The following RNF34 variants were observed in gnomAD, a reference collection of about 807,000 sequenced individuals.
RNF34 encodes the protein ring finger protein 34.
Under a neutral mutation model 37.9 loss-of-function variants are expected in RNF34, and 12 were observed. The ratio of observed to expected loss-of-function variants is 0.32; its 90% CI spans 0.20 to 0.51. The LOEUF (loss-of-function observed/expected upper bound fraction) is 0.51, where lower values mean the gene tolerates loss of function less well. Among genes scored for constraint, RNF34 ranks in the 20% least tolerant of loss-of-function variants. The probability of loss-of-function intolerance (pLI) is 0.97; values close to 1 mark genes in which losing one functional copy is unlikely to be tolerated. For missense variants in RNF34, 362 were observed against 472.7 expected, an observed-to-expected ratio of 0.77 and a Z score of 2.17; for synonymous variants, 155 against 177.2, an observed-to-expected ratio of 0.87 and a Z score of 1.00.
At position 121,418,897 on chromosome 12, in the gene RNF34, G is replaced by T. The variant is rs112532382; in HGVS notation, c.633+986G>T. 3.3e-3 allele frequency among the ~76,000 whole-genome samples: 502 copies of T among 152,234 alleles called. 3 individuals are homozygous for T. The highest frequency in any genetic ancestry group is 0.012 in the African/African-American group (481 of 41,544). ...AATTTTTGTATTTTTAGTAAAGATGGGGTTTCACCATGTTGGTCAGGCTGG... is the reference window on the plus strand; with the variant it reads ...AATTTTTGTATTTTTAGTAAAGATGTGGTTTCACCATGTTGGTCAGGCTGG... On this transcript the variant is annotated intron_variant, in intron 3 of 5. Coordinates refer to ENST00000361234, the MANE Select transcript of RNF34 (RefSeq NM_025126.4).
Position 121,416,370 on chromosome 12 carries a change from G to GACT in RNF34, c.219_220insCTA (p.Arg73_Lys74insLeu). 1 of 1,606,982 alleles carries GACT rather than the reference G, an allele frequency of 6.2e-7. No homozygotes were observed. Among genetic ancestry groups the GACT allele is most frequent in the Non-Finnish European group, 8.5e-7 (1 of 1,173,478 alleles). On this transcript the variant is annotated inframe_insertion, in exon 2 of 6. Transcript: ENST00000361234. ...TGTGGGCTTTCATTTTCAGTCTTTA[G>GACT]AAAGAAGGTGAGTTGGATGAAATGT... is the stretch of plus-strand genomic sequence containing the variant.
intron 1 of RNF34, chr12:121,402,723 C>CTTTTTT: frequency 1.3e-6 from 2 of 1,505,040 alleles, no homozygotes; most frequent in Non-Finnish European, 1.8e-6. Context: ...ATTCCTTTTC[C>CTTTTTT]TTTTTTTTTC....
chr12:121,416,577 GT>G (rs1484119564), intron 2 of RNF34, 200 bp downstream of exon 2: 3 of 512,282 alleles, frequency 5.9e-6, no homozygotes, highest in Non-Finnish European at 1.0e-5. Context: ...TGTTTCTCAT[GT>G]TCAGGCATCC....
intron 1 of RNF34, among the ~76,000 whole-genome samples, chr12:121,414,881 G>T (rs904398170): frequency 2.0e-5 from 3 of 152,198 alleles, no homozygotes; most frequent in Non-Finnish European, 4.4e-5. Flanking sequence ...ATCACCTGAG[G>T]TCAGGAGTTC....
intron 1 of RNF34, among the ~76,000 whole-genome samples, chr12:121,401,332 C>G (rs1305599552): frequency 9.4e-6 from 1 of 105,846 alleles, no homozygotes; most frequent in Non-Finnish European, 1.7e-5. Context: ...AACCATATTA[C>G]AAGGCAGAAG....
intron 1 of RNF34, among the ~76,000 whole-genome samples, chr12:121,400,655 A>G (rs1469191312): frequency 1.3e-5 from 2 of 152,122 alleles, no homozygotes; most frequent in East Asian, 3.9e-4. Flanking sequence ...GGAGGGGTGC[A>G]GGGGGTGGTG....
At chr12:121,406,702 G>C (rs1308955354) in intron 1 of RNF34, among the ~76,000 whole-genome samples, 3 of 152,132 alleles carry the variant, frequency 2.0e-5, no homozygotes, top group African/African-American at 7.2e-5. Flanking sequence ...GGTAGGAAAG[G>C]GATTAGACTA....
chr12:121,404,205 C>T (rs1870283274), intron 1 of RNF34, among the ~76,000 whole-genome samples: 1 of 150,132 alleles, frequency 6.7e-6, no homozygotes, highest in African/African-American at 2.5e-5. Flanking sequence ...CGGAGTTTCA[C>T]AATGTTGCCC....
intron 2 of RNF34, 87 bp downstream of exon 2, chr12:121,416,464 T>G: frequency 1.1e-6 from 1 of 929,384 alleles, no homozygotes; most frequent in Non-Finnish European, 1.7e-6. Flanking sequence ...GAATTTTCAT[T>G]TCTGTTTATA....
chr12:121,423,408 G>C lies in RNF34; in HGVS notation c.951G>C (p.Gln317His). 1 of 1,610,230 alleles carries C rather than the reference G, an allele frequency of 6.2e-7. No individual in the cohort carries two copies. The stretch of plus-strand genomic sequence containing the variant: ...CAGATGGCGAGCGGCTGCAGCTGCA[G>C]GATGAGGAAGACGACAGCCTGTGTC... ...QKSYGERLQLQDEEDDSLCRI... is the reference protein window; with the variant it reads ...QKSYGERLQLHDEEDDSLCRI... Residue 317 changes from glutamine (Q) to histidine (H), a missense_variant, in exon 6 of 6, where the codon CAG becomes CAC. Gln to His is a conservative substitution (Grantham distance 24). Transcript: ENST00000361234. This position sits in a 1 kb window ranked among gnomAD's most constrained non-coding sequence, Gnocchi z 4.3.
rs948218565 is a variant in RNF34 at position 121,417,149 on chromosome 12, T to C, written c.226-355T>C. ...CTCCTGCTCTTTAAATGGAGGAAAT[T>C]GTTCATGTAGGAAAAGACCAGGAAG... On this transcript the variant is annotated intron_variant, in intron 2 of 5. Transcript: ENST00000361234. This position sits in a 1 kb window ranked among gnomAD's most constrained non-coding sequence, Gnocchi z 5.0. 6.6e-6 allele frequency among the ~76,000 whole-genome samples: 1 copy of C among 152,236 alleles called. No homozygotes were observed. The highest frequency in any genetic ancestry group is 2.4e-5 in the African/African-American group (1 of 41,462).
intron 1 of RNF34, 58 bp downstream of exon 1, chr12:121,400,276 C>G (rs1305551009): frequency 5.7e-6 from 9 of 1,580,370 alleles, no homozygotes; most frequent in Admixed American, 1.8e-5. Flanking sequence ...TGCCAGGGCA[C>G]CTGAAGCGCC....
At position 121,424,073 on chromosome 12, in the gene RNF34, A is replaced by G. The variant is rs1872386894; in HGVS notation, c.*497A>G. 6.5e-6 allele frequency: 1 copy of G among 152,944 alleles called. No homozygotes were observed. The highest frequency in any genetic ancestry group is 6.5e-5 in the Admixed American group (1 of 15,290). 9.5% of individuals were successfully genotyped at this position (152,944 alleles called of 1,614,324 possible). A position where few individuals can be genotyped will look rare whatever the true frequency, so the allele number is the denominator to read the frequency against. On this transcript the variant is annotated 3_prime_UTR_variant, in exon 6 of 6. Coordinates refer to ENST00000361234, the MANE Select transcript of RNF34 (RefSeq NM_025126.4). ...TAAATGCTAACATTTGATGAATGTA[A>G]GTTTCCACATTGTTGCTGTTTCTGC...
At chr12:121,402,577 G>T (rs921075754) in intron 1 of RNF34, among the ~76,000 whole-genome samples, 1 of 151,750 alleles carries the variant, frequency 6.6e-6, no homozygotes, top group East Asian at 1.9e-4. Flanking sequence ...AATCCAAATT[G>T]GTGCCCTGTG....
At position 121,402,695 on chromosome 12, in the gene RNF34, A is replaced by T. The variant is rs373966078; in HGVS notation, c.6+2477A>T. On this transcript the variant is annotated intron_variant, in intron 1 of 5. Coordinates refer to ENST00000361234, the MANE Select transcript of RNF34 (RefSeq NM_025126.4). ...GCTCAAAATGAGATATCAAGGAGAA[A>T]GTAATCTACTGAATGTAATTCCTTT... 22 of 1,230,436 alleles carry T rather than the reference A, an allele frequency of 1.8e-5. No individual in the cohort carries two copies. In the African/African-American group the frequency reaches 2.1e-4, roughly 12 times the overall value. 76.2% of individuals were successfully genotyped at this position (1,230,436 alleles called of 1,614,324 possible).
At chr12:121,410,485 C>T (rs1471549262) in intron 1 of RNF34, among the ~76,000 whole-genome samples, 4 of 150,900 alleles carry the variant, frequency 2.7e-5, no homozygotes, top group Admixed American at 6.6e-5. Context: ...TGCAGTGAGC[C>T]GAGATTGCGC....
intron 1 of RNF34, among the ~76,000 whole-genome samples, chr12:121,405,951 G>A (rs948916055): frequency 2.0e-5 from 3 of 150,668 alleles, no homozygotes; most frequent in African/African-American, 7.3e-5. Context: ...CTGCTACCAC[G>A]TCCAGCTAAT....
rs1448360012 is a variant in RNF34, at chr12:121,423,043, G to C, written c.929-343G>C. On this transcript the variant is annotated intron_variant, in intron 5 of 5. Coordinates refer to ENST00000361234, the MANE Select transcript of RNF34 (RefSeq NM_025126.4). This position sits in a 1 kb window ranked among gnomAD's most constrained non-coding sequence, Gnocchi z 4.3. ...CTGACTCCAAAGCCCATCTACAGAA[G>C]ACCAGCTGAGGGTTTCTTTTTCTAG... Among the ~76,000 whole-genome samples the C allele has an allele frequency of 6.6e-6, 1 of 152,196 alleles. No homozygotes were observed. Among genetic ancestry groups the C allele is most frequent in the Non-Finnish European group, 1.5e-5 (1 of 68,038 alleles).
intron 1 of RNF34, among the ~76,000 whole-genome samples, chr12:121,413,038 C>G (rs552849269): frequency 6.8e-6 from 1 of 147,414 alleles, no homozygotes; most frequent in Non-Finnish European, 1.5e-5. Flanking sequence ...TTTCCTTCCT[C>G]TTTTCGAGGC....
Sources: allele counts gnomAD v4.1 joint callset (sites outside exome capture counted in the v4.1 genomes callset), GRCh38; gene constraint gnomAD v4.1.1; non-coding constraint Gnocchi (gnomAD v3.1); transcripts MANE v1.5; gene names NCBI Gene and HGNC (gene_info 2026-07-23, HGNC 2026-07-21).